Variants in USH2A observed in about 807,000 individuals in gnomAD.
USH2A encodes the protein Usher syndrome 2A (autosomal recessive, mild).
A neutral mutation model predicts 538.9 loss-of-function variants in USH2A; 443 were observed. The observed-to-expected ratio is 0.82, with a 90% CI of 0.76 to 0.89. USH2A has a LOEUF of 0.89. USH2A is among the 40% of genes least tolerant of loss of function. The pLI is 0.00. For synonymous variants in USH2A, 2,413 were observed against 2,273.5 expected (o/e 1.06, Z -1.75); for missense variants, 6,633 against 6,324.8 (o/e 1.05, Z -1.65).
chr1:215,912,442 AG>A (rs1372065859), intron 38 of USH2A, among the ~76,000 whole-genome samples: 1 of 46,804 alleles, frequency 2.1e-5, no homozygotes, highest in African/African-American at 8.0e-5. Context: ...GAGGGTAGGT[AG>A]TAGGTATGTG....
intron 55 of USH2A, among the ~76,000 whole-genome samples, chr1:215,777,693 A>G (rs1407232453): frequency 6.6e-6 from 1 of 152,148 alleles, no homozygotes. Context: ...CTTATTTTAG[A>G]CCACTTAGTG....
intron 64 of USH2A, among the ~76,000 whole-genome samples, chr1:215,655,725 C>CTTTTGTTTTTTT (rs1657225127): frequency 1.0e-5 from 1 of 96,172 alleles, no homozygotes; most frequent in Non-Finnish European, 2.0e-5. Context: ...GCTAGTTATT[C>CTTTTGTTTTTTT]TTTTTTTTTT....
At chr1:216,390,918 T>C (rs1054867281) in intron 3 of USH2A, among the ~76,000 whole-genome samples, 41 of 152,320 alleles carry the variant, frequency 2.7e-4, no homozygotes, top group African/African-American at 9.4e-4. Flanking sequence ...TTAAAATAAT[T>C]AAATTGAATC....
At chr1:216,194,507 G>A (rs891645806) in intron 19 of USH2A, among the ~76,000 whole-genome samples, 3 of 151,958 alleles carry the variant, frequency 2.0e-5, no homozygotes, top group African/African-American at 2.4e-5. Flanking sequence ...TCTTTATATC[G>A]ATAGCATCAT....
At chr1:215,982,435 A>G (rs1023033179) in intron 35 of USH2A, among the ~76,000 whole-genome samples, 1 of 152,176 alleles carries the variant, frequency 6.6e-6, no homozygotes, top group Non-Finnish European at 1.5e-5. Context: ...TTCTCTTGTA[A>G]AAACTAAACT....
At chr1:216,294,943 TA>T (rs1327597995) in intron 9 of USH2A, among the ~76,000 whole-genome samples, 2 of 151,884 alleles carry the variant, frequency 1.3e-5, no homozygotes, top group Admixed American at 6.6e-5. Flanking sequence ...CCTTTGCCTG[TA>T]AAACAGTGAA....
At chr1:216,091,853 A>T (rs12083315) in intron 22 of USH2A, among the ~76,000 whole-genome samples, 9 of 152,104 alleles carry the variant, frequency 5.9e-5, no homozygotes, top group Admixed American at 2.0e-4. Flanking sequence ...AAAAATAAGC[A>T]TCTCGTTTTT....
At chr1:216,380,061 T>C (rs924352601) in intron 3 of USH2A, among the ~76,000 whole-genome samples, 10 of 152,174 alleles carry the variant, frequency 6.6e-5, no homozygotes, top group Non-Finnish European at 1.2e-4. Flanking sequence ...AAGGAGAGAA[T>C]TGATAAGGAA....
At chr1:215,761,309 T>C (rs1241365836) in intron 56 of USH2A, among the ~76,000 whole-genome samples, 1 of 152,226 alleles carries the variant, frequency 6.6e-6, no homozygotes, top group Non-Finnish European at 1.5e-5. Flanking sequence ...AGCACTCTCT[T>C]AACTCTAACT....
chr1:216,080,390 G>T (rs545376747), intron 26 of USH2A, among the ~76,000 whole-genome samples: 12 of 152,108 alleles, frequency 7.9e-5, no homozygotes, highest in Admixed American at 6.6e-4. Flanking sequence ...CAGAATGACA[G>T]AAAAAGGACA....
chr1:216,375,390 G>T lies in USH2A; in HGVS notation c.652-10305C>A, dbSNP rs78002454. Among the ~76,000 whole-genome samples the T allele has an allele frequency of 6.8e-3, 1,037 of 152,284 alleles. 18 individuals carry two copies. The highest frequency in any genetic ancestry group is 0.024 in the African/African-American group (1,001 of 41,562). On this transcript the variant is annotated intron_variant, in intron 3 of 71. Coordinates refer to ENST00000307340, the MANE Select transcript of USH2A (RefSeq NM_206933.4). ...ACTTGCAACTTCTACAACAGCACTTGCTCTTTCAACCTTGCACTTTTATGT... is the reference window on the plus strand; with the variant it reads ...ACTTGCAACTTCTACAACAGCACTTTCTCTTTCAACCTTGCACTTTTATGT...
rs553715428 is a variant in USH2A, at chr1:215,977,216, A to G, written c.6806-6440T>C. Reference sequence around the variant, plus strand: ...AAGTTCGAAAATTGAATCAGTAATAAAAAAAATCTTTGCTAGCTTCGAGTT... The same window carrying G: ...AAGTTCGAAAATTGAATCAGTAATAGAAAAAATCTTTGCTAGCTTCGAGTT... On this transcript the variant is annotated intron_variant, in intron 35 of 71. Coordinates refer to ENST00000307340, the MANE Select transcript of USH2A (RefSeq NM_206933.4). Among the ~76,000 whole-genome samples the G allele has an allele frequency of 4.6e-5, 7 of 152,196 alleles. No individual in the cohort carries two copies. The South Asian group carries it at 1.5e-3, about 32-fold the overall frequency.
At chr1:216,250,616 T>C (rs1003983846) in intron 12 of USH2A, among the ~76,000 whole-genome samples, 7 of 152,194 alleles carry the variant, frequency 4.6e-5, no homozygotes, top group Admixed American at 2.0e-4. Flanking sequence ...ATCTATGCAG[T>C]AAGCAAATTA....
chr1:216,321,915 A>G lies in USH2A; in HGVS notation c.1612T>C (p.Cys538Arg). 1 of 1,613,922 alleles carries G rather than the reference A, an allele frequency of 6.2e-7. No homozygotes were observed. The highest frequency in any genetic ancestry group is 8.5e-7 in the Non-Finnish European group (1 of 1,179,880). ...CCTTCAGTGAAGCTCTCCTGGGAGC[A>G]GAGGCATCTATATGGCTGGCTTGTT... is the stretch of plus-strand genomic sequence containing the variant. ...DTTSQPYRCL[C>R]SQESFTEGLH... Residue 538 changes from cysteine to arginine, a missense_variant, in exon 9 of 72, where the codon TGC becomes CGC. Physicochemically the swap from Cys to Arg is radical, Grantham distance 180 (BLOSUM62 -3). Transcript: ENST00000307340.
intron 4 of USH2A, among the ~76,000 whole-genome samples, chr1:216,329,615 A>G (rs1571708221): frequency 1.3e-5 from 2 of 151,950 alleles, no homozygotes; most frequent in South Asian, 4.1e-4. Context: ...TACACCCCAC[A>G]CTGTTAATCT....
chr1:215,672,284 C>G (rs1007238731), intron 63 of USH2A, among the ~76,000 whole-genome samples: 5 of 151,844 alleles, frequency 3.3e-5, no homozygotes, highest in African/African-American at 1.2e-4. Context: ...TAGCCTTTTC[C>G]TCTTCTATTT....
intron 32 of USH2A, among the ~76,000 whole-genome samples, chr1:216,044,310 T>C (rs117370485): frequency 6.6e-6 from 1 of 152,144 alleles, no homozygotes; most frequent in Admixed American, 6.5e-5. Context: ...ACATGCAATG[T>C]TACCTCTTGG....
intron 57 of USH2A, among the ~76,000 whole-genome samples, chr1:215,759,159 T>C (rs1310355939): frequency 6.6e-6 from 1 of 152,178 alleles, no homozygotes; most frequent in Non-Finnish European, 1.5e-5. Flanking sequence ...CTCTACTTTC[T>C]ACAGTAAAAC....
At chr1:215,950,502 AC>A (rs1468220439) in intron 37 of USH2A, among the ~76,000 whole-genome samples, 1 of 134,322 alleles carries the variant, frequency 7.4e-6, no homozygotes, top group South Asian at 2.5e-4. Context: ...TATAATTGCT[AC>A]CTTTTTTTTT....
Sources: gnomAD v4.1 joint callset for allele counts (sites outside exome capture counted in the v4.1 genomes callset) on GRCh38, gnomAD v4.1.1 for gene constraint, MANE v1.5 for transcripts, NCBI Gene and HGNC (gene_info 2026-07-23, HGNC 2026-07-21) for gene names.